Variants in EIF2A observed in about 807,000 individuals in gnomAD.
The protein encoded by EIF2A is 65 kDa eukaryotic translation initiation factor 2A.
Under a neutral mutation model 75.2 loss-of-function variants are expected in EIF2A, and 62 were observed. The observed-to-expected ratio is 0.82, with a 90% CI of 0.67 to 1.02. The LOEUF is 1.02. Ranked by LOEUF, EIF2A falls within the 50% of genes least tolerant of loss-of-function variation. The pLI is 0.00. For synonymous variants in EIF2A, 207 were observed against 239.0 expected (o/e 0.87, Z 1.23); for missense variants, 611 against 677.7 (o/e 0.90, Z 1.09).
intron 2 of EIF2A, among the ~76,000 whole-genome samples, chr3:150,558,131 CAA>C (rs1723663061): frequency 6.6e-6 from 1 of 152,230 alleles, no homozygotes; most frequent in African/African-American, 2.4e-5. Flanking sequence ...GCCTACCACA[CAA>C]ACTTATTCAC....
chr3:150,558,605 C>T lies in EIF2A; in HGVS notation c.173+143C>T. 1.6e-5 allele frequency: 9 copies of T among 579,344 alleles called. No homozygotes were observed. In the South Asian group the frequency reaches 3.0e-4, roughly 20 times the overall value. The allele number at this position is 579,344 out of a possible 1,614,324, so 35.9% of individuals were successfully genotyped here. ...TAGTGAGATATTACCTCTCGTTACA[C>T]AAAATACCTTCAAAGTTGTTCATTT... is the stretch of plus-strand genomic sequence containing the variant. On this transcript the variant is annotated intron_variant, in intron 3 of 13. Transcript: ENST00000460851.
chr3:150,547,137 C>A, intron 1 of EIF2A: 1 of 447,430 alleles, frequency 2.2e-6, no homozygotes, highest in South Asian at 2.4e-5. Context: ...CATGGGTCTG[C>A]AATACTGGTG....
chr3:150,569,820 A>G (rs1014094993), intron 9 of EIF2A, among the ~76,000 whole-genome samples: 2 of 152,190 alleles, frequency 1.3e-5, no homozygotes, highest in African/African-American at 4.8e-5. Context: ...TCACAAAAAA[A>G]AAAAAAGTAA....
At chr3:150,573,013 ATATT>A (rs1043839990) in intron 10 of EIF2A, among the ~76,000 whole-genome samples, 11 of 152,120 alleles carry the variant, frequency 7.2e-5, no homozygotes, top group African/African-American at 2.7e-4. Context: ...TGTATTTATC[ATATT>A]TATTTAGATT....
At chr3:150,583,592 T>C (rs994422308) in intron 13 of EIF2A, among the ~76,000 whole-genome samples, 1 of 152,184 alleles carries the variant, frequency 6.6e-6, no homozygotes, top group African/African-American at 2.4e-5. Context: ...TCCCTCCTCC[T>C]GTCAACATGT....
intron 6 of EIF2A, chr3:150,565,231 G>C (rs1179769022): frequency 4.4e-6 from 2 of 456,516 alleles, no homozygotes; most frequent in Non-Finnish European, 8.8e-6. Flanking sequence ...TTTTAGGTGA[G>C]TAAGGGTAAG....
At chr3:150,568,903 C>CGA (rs1724345980) in intron 9 of EIF2A, among the ~76,000 whole-genome samples, 1 of 152,162 alleles carries the variant, frequency 6.6e-6, no homozygotes, top group South Asian at 2.1e-4. Flanking sequence ...GGTGAAAGAG[C>CGA]GAGACCCTGT....
Position 150,584,227 on chromosome 3 carries a change from GAC to G in EIF2A, c.*318_*319del, listed in dbSNP as rs199516831. On this transcript the variant is annotated 3_prime_UTR_variant, in exon 14 of 14. Coordinates refer to ENST00000460851, the MANE Select transcript of EIF2A (RefSeq NM_032025.5). ...GATATATACCATGTAAATGAACAAA[GAC>G]ATTTTAAATTTAATCACTGTTTTTA... 0.012 allele frequency: 2,326 copies of G among 197,518 alleles called. 53 individuals are homozygous for G. Among genetic ancestry groups the G allele is most frequent in the African/African-American group, 0.051 (2,194 of 43,360 alleles). The allele number at this position is 197,518 out of a possible 1,614,324, so 12.2% of individuals were successfully genotyped here. A position where few individuals can be genotyped will look rare whatever the true frequency, so the allele number is the denominator to read the frequency against.
At chr3:150,575,255 ATTC>A (rs1262694277) in intron 10 of EIF2A, among the ~76,000 whole-genome samples, 2 of 152,176 alleles carry the variant, frequency 1.3e-5, no homozygotes, top group Non-Finnish European at 2.9e-5. Flanking sequence ...CTAGCAAGTA[ATTC>A]TTTGTGTGAA....
At chr3:150,562,508 A>G in intron 3 of EIF2A, 34 bp from the exon 4 acceptor site, 2 of 1,516,238 alleles carry the variant, frequency 1.3e-6, no homozygotes, top group Non-Finnish European at 1.8e-6. Context: ...ATAAAACAGT[A>G]TTTCATTGCT....
chr3:150,550,253 A>G (rs1429364794), intron 1 of EIF2A, among the ~76,000 whole-genome samples: 1 of 152,236 alleles, frequency 6.6e-6, no homozygotes, highest in Non-Finnish European at 1.5e-5. Flanking sequence ...CTCAGAATAC[A>G]CTATATTAAG....
intron 10 of EIF2A, among the ~76,000 whole-genome samples, chr3:150,573,204 G>C (rs969639230): frequency 6.6e-6 from 1 of 152,140 alleles, no homozygotes; most frequent in African/African-American, 2.4e-5. Context: ...GGGAGAAATT[G>C]ATACAGAAAA....
At chr3:150,556,762 C>G (rs1281314133) in intron 2 of EIF2A, among the ~76,000 whole-genome samples, 1 of 152,090 alleles carries the variant, frequency 6.6e-6, no homozygotes, top group Non-Finnish European at 1.5e-5. Flanking sequence ...CAAAATTTCC[C>G]AATTGCCAAG....
At chr3:150,579,558 A>T (rs1725054123) in intron 11 of EIF2A, among the ~76,000 whole-genome samples, 1 of 152,092 alleles carries the variant, frequency 6.6e-6, no homozygotes, top group Non-Finnish European at 1.5e-5. Context: ...AAAAATACAA[A>T]ATTAGCTGGG....
chr3:150,558,247 T>C (rs548026192), intron 2 of EIF2A, 141 bp from the exon 3 acceptor site: 16 of 674,138 alleles, frequency 2.4e-5, no homozygotes, highest in African/African-American at 2.1e-4. Context: ...TTTTGGCAGA[T>C]GAAAGCATTT....
At chr3:150,582,317 TTTAA>T (rs1204177958) in intron 12 of EIF2A, among the ~76,000 whole-genome samples, 1 of 133,874 alleles carries the variant, frequency 7.5e-6, no homozygotes, top group Non-Finnish European at 1.7e-5. Context: ...TTTAATTTAA[TTTAA>T]TTTTTTTTTT....
At chr3:150,571,148 C>CT (rs1461674419) in intron 9 of EIF2A, among the ~76,000 whole-genome samples, 61 of 150,730 alleles carry the variant, frequency 4.0e-4, no homozygotes, top group East Asian at 1.6e-3. Flanking sequence ...GTGTTTGTGG[C>CT]TTTTTTTTTG....
chr3:150,572,255 A>T lies in EIF2A; in HGVS notation c.1109A>T (p.Glu370Val). Residue 370 changes from glutamate (E) to valine (V), a missense_variant, in exon 10 of 14, where the codon GAG (glutamate) becomes GTG (valine). Transcript: ENST00000460851. ...TATTTTGCTTGGTGCCCGGATGGTG[A>T]GCATATTTTAACAGCTACATGTGCT... ...STYFAWCPDG[E>V]HILTATCAPR... is the part of the protein sequence containing the mutation. 1 of 1,613,972 alleles carries T rather than the reference A, an allele frequency of 6.2e-7. No individual in the cohort carries two copies.
chr3:150,546,892 C>G, intron 1 of EIF2A, 62 bp downstream of exon 1: 1 of 1,601,266 alleles, frequency 6.2e-7, no homozygotes, highest in Non-Finnish European at 8.5e-7. Flanking sequence ...TTTGTCTTTG[C>G]CTTTGAGAAC....
Sources: gnomAD v4.1 joint callset for allele counts (sites outside exome capture counted in the v4.1 genomes callset) on GRCh38, gnomAD v4.1.1 for gene constraint, MANE v1.5 for transcripts, NCBI Gene and HGNC (gene_info 2026-07-23, HGNC 2026-07-21) for gene names.